DOP1A: variants seen among roughly 807,000 people sequenced by gnomAD.
The protein encoded by DOP1A is DOP1 leucine zipper like protein A.
In DOP1A, 90 loss-of-function variants were observed where a neutral mutation model predicts 267.6. The ratio of observed to expected loss-of-function variants is 0.34; its 90% CI spans 0.28 to 0.40. The LOEUF (loss-of-function observed/expected upper bound fraction) is 0.40. Ranked by LOEUF, DOP1A falls within the 10% of genes least tolerant of loss-of-function variation. The probability of loss-of-function intolerance (pLI) is 1.00; values close to 1 mark genes in which losing one functional copy is unlikely to be tolerated. For missense variants in DOP1A, 2,437 were observed against 2,900.4 expected, an observed-to-expected ratio of 0.84 and a Z score of 3.67; for synonymous variants, 932 against 999.1, an observed-to-expected ratio of 0.93 and a Z score of 1.27.
chr6:83,111,393 T>C (rs965373547), intron 6 of DOP1A, among the ~76,000 whole-genome samples: 1 of 151,640 alleles, frequency 6.6e-6, no homozygotes, highest in Admixed American at 6.6e-5. Flanking sequence ...ATACATCTAG[T>C]AGTGCCATTT....
intron 1 of DOP1A, among the ~76,000 whole-genome samples, chr6:83,085,135 T>A (rs1269712436): frequency 6.6e-6 from 1 of 152,204 alleles, no homozygotes; most frequent in East Asian, 1.9e-4. Context: ...GAACTGTAGT[T>A]CTGCTTTTTA....
intron 24 of DOP1A, among the ~76,000 whole-genome samples, chr6:83,144,950 A>T (rs945845330): frequency 3.4e-5 from 5 of 149,044 alleles, no homozygotes; most frequent in Admixed American, 6.9e-5. Flanking sequence ...CAAAAAAATT[A>T]AAAAATTATC....
rs1778185047 is a variant in DOP1A, at chr6:83,132,343, C to T, written c.2769+15C>T. ...ATAAAGATAAGGTAAATCCTCTTAT[C>T]TTGTGCACACCGCCCCCTCCGCCAC... On this transcript the variant is annotated intron_variant, in intron 18 of 38. Coordinates refer to ENST00000349129, the MANE Select transcript of DOP1A (RefSeq NM_015018.4). 1 of 1,581,146 alleles carries T rather than the reference C, an allele frequency of 6.3e-7. No homozygotes were observed. The highest frequency in any genetic ancestry group is 2.3e-5 in the East Asian group (1 of 44,124).
At chr6:83,158,829 C>G (rs1783471685) in intron 36 of DOP1A, among the ~76,000 whole-genome samples, 1 of 152,056 alleles carries the variant, frequency 6.6e-6, no homozygotes, top group African/African-American at 2.4e-5. Flanking sequence ...GCCCTGGGCC[C>G]CTAGACACAA....
chr6:83,111,114 A>G (rs561569512), intron 6 of DOP1A, among the ~76,000 whole-genome samples: 2 of 152,150 alleles, frequency 1.3e-5, no homozygotes, highest in East Asian at 1.9e-4. Flanking sequence ...ATCATACTGT[A>G]TATAAGTGGA....
Position 83,113,379 on chromosome 6 carries a change from A to G in DOP1A, c.738A>G (p.Thr246=). ...QDSSVLVQRS[T]LDLILFCFPF... ...CAAGTGTACTTGTACAGAGAAGCAC[A>G]CTGGACCTCATACTCTTCTGTTTTC... The change falls in exon 7 of 39, where the codon ACA becomes ACG. Residue 246 remains threonine, a synonymous_variant. Transcript: ENST00000349129. 2 of 1,613,910 alleles carry G rather than the reference A, an allele frequency of 1.2e-6. No individual in the cohort carries two copies. The highest frequency in any genetic ancestry group is 1.7e-6 in the Non-Finnish European group (2 of 1,179,876).
chr6:83,074,595 A>G (rs1766707909), intron 1 of DOP1A, among the ~76,000 whole-genome samples: 1 of 152,252 alleles, frequency 6.6e-6, no homozygotes, highest in Non-Finnish European at 1.5e-5. Flanking sequence ...TTAATAAATT[A>G]CATGAGCTAT....
At position 83,129,327 on chromosome 6, in the gene DOP1A, A is replaced by G. The variant is rs376911483; in HGVS notation, c.2160A>G (p.Lys720=). The G allele has an allele frequency of 4.5e-5, 72 of 1,605,462 alleles. No individual in the cohort carries two copies. The African/African-American group carries it at 5.2e-4, about 12-fold the overall frequency. The part of the protein sequence containing the change: ...DLGREQGETS[K]WDRNSQGDVK... ...GTCGAGAACAAGGAGAGACTTCAAA[A>G]TGGGACAGAAATTCACAAGGAGATG... Residue 720 remains lysine (K), a synonymous_variant, in exon 16 of 39, where the codon AAA becomes AAG. Coordinates refer to ENST00000349129, the MANE Select transcript of DOP1A (RefSeq NM_015018.4).
chr6:83,099,399 A>G (rs1184938403), intron 3 of DOP1A, among the ~76,000 whole-genome samples: 2 of 152,236 alleles, frequency 1.3e-5, no homozygotes, highest in African/African-American at 2.4e-5. Flanking sequence ...TCCACAAGAA[A>G]TTCCATCTAA....
At chr6:83,088,145 T>C (rs149802625) in intron 1 of DOP1A, among the ~76,000 whole-genome samples, 2 of 152,234 alleles carry the variant, frequency 1.3e-5, no homozygotes, top group Non-Finnish European at 2.9e-5. Flanking sequence ...GTGTTGGGAT[T>C]ACAGGTGTGA....
At chr6:83,100,281 A>G (rs1271869113) in intron 3 of DOP1A, among the ~76,000 whole-genome samples, 3 of 152,178 alleles carry the variant, frequency 2.0e-5, no homozygotes, top group Non-Finnish European at 4.4e-5. Flanking sequence ...ACCTCTTCCA[A>G]GTACTGTAAA....
At chr6:83,107,283 C>T (rs1292747974) in intron 4 of DOP1A, among the ~76,000 whole-genome samples, 1 of 152,080 alleles carries the variant, frequency 6.6e-6, no homozygotes, top group East Asian at 1.9e-4. Context: ...AAGCAGGTCC[C>T]TGGACAGGCG....
intron 37 of DOP1A, among the ~76,000 whole-genome samples, chr6:83,161,930 A>AC (rs752826985): frequency 1.3e-5 from 2 of 152,196 alleles, no homozygotes; most frequent in Non-Finnish European, 2.9e-5. Flanking sequence ...ACAATCTAGG[A>AC]CATTGGCTGT....
Position 83,162,094 on chromosome 6 carries a change from A to G in DOP1A, c.6963-696A>G, listed in dbSNP as rs148087512. ...CAGCAATCATGTTTTTTTAAAAGAGAGGGTTGGTTGTGTGAATATATACTC... is the reference window on the plus strand; with the variant it reads ...CAGCAATCATGTTTTTTTAAAAGAGGGGGTTGGTTGTGTGAATATATACTC... On this transcript the variant is annotated intron_variant, in intron 37 of 38. Transcript: ENST00000349129. Among the ~76,000 whole-genome samples, 143 of 152,166 alleles carry G rather than the reference A, an allele frequency of 9.4e-4. 1 individual carries two copies. The highest frequency in any genetic ancestry group is 3.3e-3 in the African/African-American group (135 of 41,538).
intron 27 of DOP1A, among the ~76,000 whole-genome samples, 156 bp downstream of exon 27, chr6:83,149,019 G>GA (rs551255497): frequency 6.0e-3 from 886 of 147,662 alleles, no homozygotes; most frequent in African/African-American, 9.1e-3. Flanking sequence ...GCCTGTTTAA[G>GA]AAAAAAAAAA....
intron 30 of DOP1A, among the ~76,000 whole-genome samples, chr6:83,153,152 T>C (rs1782066659): frequency 7.7e-6 from 1 of 129,496 alleles, no homozygotes; most frequent in Non-Finnish European, 1.6e-5. Flanking sequence ...GTTCAATTGT[T>C]TGTTTTTTTT....
intron 1 of DOP1A, among the ~76,000 whole-genome samples, chr6:83,082,225 C>T (rs548920820): frequency 3.3e-5 from 5 of 152,106 alleles, no homozygotes; most frequent in Non-Finnish European, 7.4e-5. Flanking sequence ...TGCACATAAA[C>T]AGCAGTATTC....
chr6:83,159,753 G>T, intron 36 of DOP1A, 43 bp from the exon 37 acceptor site: 2 of 1,610,930 alleles, frequency 1.2e-6, no homozygotes, highest in Non-Finnish European at 1.7e-6. Context: ...ATTCCTGTGA[G>T]TAAATGGGTC....
intron 15 of DOP1A, among the ~76,000 whole-genome samples, chr6:83,127,378 A>G (rs1312805237): frequency 6.6e-6 from 1 of 152,284 alleles, no homozygotes; most frequent in East Asian, 1.9e-4. Flanking sequence ...GATATCTTTC[A>G]CTGTCATAAT....
Sources: allele counts gnomAD v4.1 joint callset (sites outside exome capture counted in the v4.1 genomes callset), GRCh38; gene constraint gnomAD v4.1.1; transcripts MANE v1.5; gene names NCBI Gene and HGNC (gene_info 2026-07-23, HGNC 2026-07-21).